Variants in FUT8 observed in about 807,000 individuals in gnomAD.
The protein encoded by FUT8 is alpha-(1,6)-fucosyltransferase.
In FUT8, 29 loss-of-function variants were observed where a neutral mutation model predicts 71.3. The observed-to-expected ratio is 0.41, with a 90% CI of 0.30 to 0.55. FUT8 has a LOEUF of 0.55. FUT8 is among the 20% of genes least tolerant of loss of function. The probability of loss-of-function intolerance (pLI) is 0.34; values close to 1 mark genes in which losing one functional copy is unlikely to be tolerated. For synonymous variants in FUT8, 254 were observed against 239.3 expected (o/e 1.06, Z -0.57); for missense variants, 544 against 702.1 (o/e 0.77, Z 2.55).
intron 10 of FUT8, among the ~76,000 whole-genome samples, chr14:65,736,709 G>A (rs1052472037): frequency 5.3e-5 from 8 of 151,952 alleles, no homozygotes. Flanking sequence ...AATGGAGGAA[G>A]ACTAAAGCCA....
chr14:65,522,897 T>C (rs990880827), intron 2 of FUT8, among the ~76,000 whole-genome samples: 1 of 152,184 alleles, frequency 6.6e-6, no homozygotes, highest in African/African-American at 2.4e-5. Context: ...ACAAAGGACA[T>C]GAACTCATCC....
At chr14:65,674,709 C>G (rs1308952597) in intron 7 of FUT8, among the ~76,000 whole-genome samples, 1 of 152,154 alleles carries the variant, frequency 6.6e-6, no homozygotes, top group Non-Finnish European at 1.5e-5. Context: ...AGTATTTTTT[C>G]TATCTCAACA....
chr14:65,539,376 A>C (rs778162146), intron 2 of FUT8, among the ~76,000 whole-genome samples: 47 of 152,228 alleles, frequency 3.1e-4, no homozygotes, highest in Non-Finnish European at 6.5e-4. Flanking sequence ...CAAGGGCTTC[A>C]TCATTAAATA....
At chr14:65,488,421 C>T (rs900551161) in intron 2 of FUT8, 2 of 152,214 alleles carry the variant, frequency 1.3e-5, no homozygotes, top group Non-Finnish European at 2.9e-5. Flanking sequence ...TTTCAGGGAG[C>T]TCAGTTTTGT....
intron 2 of FUT8, among the ~76,000 whole-genome samples, chr14:65,551,825 G>A (rs979159773): frequency 6.6e-6 from 1 of 152,128 alleles, no homozygotes; most frequent in African/African-American, 2.4e-5. Flanking sequence ...CACAGTTATC[G>A]TAATCATTGT....
chr14:65,422,532 C>T (rs2065314292), intron 1 of FUT8, among the ~76,000 whole-genome samples: 1 of 151,820 alleles, frequency 6.6e-6, no homozygotes, highest in South Asian at 2.1e-4. Flanking sequence ...GGGTCTTGCT[C>T]AATTGCCCAG....
intron 1 of FUT8, among the ~76,000 whole-genome samples, chr14:65,415,841 G>A (rs1300125514): frequency 6.6e-6 from 1 of 152,092 alleles, no homozygotes; most frequent in Non-Finnish European, 1.5e-5. Context: ...CTTTGAATAC[G>A]AAGCAGTTGT....
intron 7 of FUT8, among the ~76,000 whole-genome samples, chr14:65,690,727 T>C (rs538430457): frequency 2.2e-5 from 2 of 92,430 alleles, no homozygotes; most frequent in South Asian, 6.5e-4. Flanking sequence ...AACATTTGAC[T>C]TTTTTTTTTT....
intron 7 of FUT8, among the ~76,000 whole-genome samples, chr14:65,686,652 G>T (rs1893299698): frequency 6.6e-6 from 1 of 152,220 alleles, no homozygotes; most frequent in African/African-American, 2.4e-5. Context: ...CAGGTAGGGA[G>T]AGGAGGTTGA....
intron 3 of FUT8, among the ~76,000 whole-genome samples, chr14:65,563,952 T>C (rs191366807): frequency 2.9e-4 from 44 of 152,202 alleles, no homozygotes; most frequent in Admixed American, 1.4e-3. Context: ...AATTACAGTC[T>C]GAAAACAGAC....
chr14:65,507,332 T>A (rs1175609103), intron 2 of FUT8, among the ~76,000 whole-genome samples: 2 of 152,174 alleles, frequency 1.3e-5, no homozygotes, highest in African/African-American at 4.8e-5. Context: ...TCAATATTTT[T>A]CCCACCAGCC....
intron 2 of FUT8, among the ~76,000 whole-genome samples, chr14:65,478,645 T>C (rs1770501480): frequency 6.6e-6 from 1 of 152,212 alleles, no homozygotes; most frequent in Non-Finnish European, 1.5e-5. Context: ...TTTAAGTTCC[T>C]GTCTAAGCAA....
the FUT8 span, among the ~76,000 whole-genome samples, chr14:65,379,126 C>G: frequency 3.3e-5 from 5 of 151,900 alleles, no homozygotes; most frequent in African/African-American, 9.7e-5. Flanking sequence ...GAATTACATG[C>G]GTGAGCCACC....
chr14:65,634,965 A>T (rs749255502), intron 6 of FUT8, among the ~76,000 whole-genome samples: 26 of 152,210 alleles, frequency 1.7e-4, no homozygotes, highest in Non-Finnish European at 1.6e-4. Flanking sequence ...ATCCATGAAC[A>T]TGGGATGCGT....
chr14:65,737,791 C>T (rs1896294587), intron 10 of FUT8, among the ~76,000 whole-genome samples: 1 of 152,108 alleles, frequency 6.6e-6, no homozygotes, highest in Non-Finnish European at 1.5e-5. Context: ...CCCTATGACA[C>T]CTCCCTTTAT....
At chr14:65,630,355 C>A (rs927491807) in intron 6 of FUT8, among the ~76,000 whole-genome samples, 1 of 151,990 alleles carries the variant, frequency 6.6e-6, no homozygotes, top group African/African-American at 2.4e-5. Context: ...TTTTCTAGTT[C>A]TTATTAATAT....
Position 65,690,605 on chromosome 14 carries a change from G to T in FUT8, c.835+21125G>T, listed in dbSNP as rs549621333. Among the ~76,000 whole-genome samples the T allele has an allele frequency of 4.0e-5, 6 of 151,452 alleles. No individual in the cohort carries two copies. In the South Asian group the frequency reaches 1.3e-3, roughly 32 times the overall value. On this transcript the variant is annotated intron_variant, in intron 7 of 10. Coordinates refer to ENST00000673929, the MANE Select transcript of FUT8 (RefSeq NM_001371533.1). ...ATAGAGCTCATAATGTATTTTATTA[G>T]ACTTTAACTTCTGTCATCCCTTTAT...
chr14:65,471,440 GT>G (rs1031390592), intron 2 of FUT8, among the ~76,000 whole-genome samples: 3 of 151,684 alleles, frequency 2.0e-5, no homozygotes, highest in Admixed American at 6.6e-5. Context: ...AGCAGGAGGG[GT>G]TTTTTTTCAG....
chr14:65,546,444 C>T (rs1884989750), intron 2 of FUT8, among the ~76,000 whole-genome samples: 1 of 151,676 alleles, frequency 6.6e-6, no homozygotes, highest in Non-Finnish European at 1.5e-5. Flanking sequence ...TTGTCCCTGG[C>T]ATTTTTTGTC....
Sources: allele counts gnomAD v4.1 joint callset (sites outside exome capture counted in the v4.1 genomes callset), GRCh38; gene constraint gnomAD v4.1.1; transcripts MANE v1.5; gene names NCBI Gene and HGNC (gene_info 2026-07-23, HGNC 2026-07-21).